Variants in CPA6 observed in about 807,000 individuals in gnomAD.
The protein encoded by CPA6 is carboxypeptidase B.
Under a neutral mutation model 63.3 loss-of-function variants are expected in CPA6, and 58 were observed. The ratio of observed to expected loss-of-function variants is 0.92; its 90% CI spans 0.74 to 1.14. CPA6 has a LOEUF of 1.14. CPA6 is among the 50% of genes most tolerant of loss of function. The pLI is 0.00. For synonymous variants in CPA6, 185 were observed against 179.0 expected, an observed-to-expected ratio of 1.03 and a Z score of -0.27; for missense variants, 565 against 526.6, an observed-to-expected ratio of 1.07 and a Z score of -0.71.
intron 8 of CPA6, among the ~76,000 whole-genome samples, chr8:67,435,048 GC>G (rs1810117754): frequency 6.6e-6 from 1 of 152,318 alleles, no homozygotes; most frequent in Admixed American, 6.5e-5. Context: ...CCTCCATCTG[GC>G]CCCCTTCCCT....
At chr8:67,556,076 C>T (rs924800490) in intron 2 of CPA6, among the ~76,000 whole-genome samples, 2 of 152,126 alleles carry the variant, frequency 1.3e-5, no homozygotes, top group Non-Finnish European at 2.9e-5. Flanking sequence ...CCATGCAGAA[C>T]AGAGATGTGG....
At chr8:67,598,446 T>C (rs1033516672) in intron 2 of CPA6, among the ~76,000 whole-genome samples, 4 of 152,188 alleles carry the variant, frequency 2.6e-5, no homozygotes, top group African/African-American at 9.7e-5. Flanking sequence ...ATATTAAAGT[T>C]TATATATTGT....
chr8:67,632,658 T>C (rs186847666), intron 1 of CPA6, among the ~76,000 whole-genome samples: 1 of 152,320 alleles, frequency 6.6e-6, no homozygotes, highest in East Asian at 1.9e-4. Flanking sequence ...GATCTAATAG[T>C]TGACAATTGA....
chr8:67,422,626 C>A lies in CPA6; in HGVS notation c.1192G>T (p.Glu398Ter), dbSNP rs775233588. The A allele has an allele frequency of 6.2e-7, 1 of 1,613,768 alleles. No individual in the cohort carries two copies. The highest frequency in any genetic ancestry group is 1.1e-5 in the South Asian group (1 of 91,074). Reference sequence around the variant, plus strand: ...CCAAAATATCCAGTGTCACGTAGTTCGAAAGCAAATGCATAAGGTATTCCA... The same window carrying A: ...CCAAAATATCCAGTGTCACGTAGTTAGAAAGCAAATGCATAAGGTATTCCA... The part of the protein sequence containing the change: ...KNGIPYAFAF[E>*]LRDTGYFGFL... Residue 398 changes from glutamate (E) to a stop codon, truncating the protein, a stop_gained, in exon 11 of 11, where the codon GAA (glutamate) becomes TAA (stop). Transcript: ENST00000297770. LOFTEE classifies it high-confidence loss of function.
At chr8:67,666,648 C>A (rs535394479) in intron 1 of CPA6, among the ~76,000 whole-genome samples, 20 of 152,202 alleles carry the variant, frequency 1.3e-4, no homozygotes, top group African/African-American at 4.8e-4. Context: ...AGGTGCCTGG[C>A]GATCAGGGTC....
At chr8:67,651,324 A>C (rs1302590268) in intron 1 of CPA6, among the ~76,000 whole-genome samples, 1 of 152,178 alleles carries the variant, frequency 6.6e-6, no homozygotes, top group Non-Finnish European at 1.5e-5. Flanking sequence ...GAATAGTGAG[A>C]GATTTTTGAG....
intron 2 of CPA6, among the ~76,000 whole-genome samples, chr8:67,519,731 T>A (rs1009815510): frequency 6.6e-6 from 1 of 152,204 alleles, no homozygotes; most frequent in Non-Finnish European, 1.5e-5. Context: ...ATTCAATCCA[T>A]CTGTCAGCCC....
chr8:67,465,260 G>A (rs902886202), intron 8 of CPA6, among the ~76,000 whole-genome samples: 5 of 151,762 alleles, frequency 3.3e-5, no homozygotes, highest in African/African-American at 4.8e-5. Context: ...ATTTTATTTT[G>A]TCTATTGTAA....
chr8:67,620,011 C>T lies in CPA6; in HGVS notation c.192+4165G>A, dbSNP rs541683297. ...AACCTAGTGGTCCTATAACAGTGTC[C>T]GCTGGGCTGCCTCCTCCAGGCTTAT... On this transcript the variant is annotated intron_variant, in intron 2 of 10. Transcript: ENST00000297770. Among the ~76,000 whole-genome samples, 186 of 152,290 alleles carry T rather than the reference C, an allele frequency of 1.2e-3. 1 individual carries two copies. The highest frequency in any genetic ancestry group is 4.2e-3 in the African/African-American group (174 of 41,570).
At chr8:67,644,802 A>G (rs1815679471) in intron 1 of CPA6, among the ~76,000 whole-genome samples, 1 of 152,178 alleles carries the variant, frequency 6.6e-6, no homozygotes, top group Non-Finnish European at 1.5e-5. Context: ...CCCAGCTGTC[A>G]TTAAGCTGTG....
At chr8:67,667,727 T>G (rs1235766955) in intron 1 of CPA6, among the ~76,000 whole-genome samples, 1 of 152,174 alleles carries the variant, frequency 6.6e-6, no homozygotes, top group Non-Finnish European at 1.5e-5. Context: ...CAGTTTAATC[T>G]CAACTGAATA....
At chr8:67,607,907 A>G (rs928943426) in intron 2 of CPA6, among the ~76,000 whole-genome samples, 1 of 152,236 alleles carries the variant, frequency 6.6e-6, no homozygotes, top group Admixed American at 6.5e-5. Context: ...TGACTGAAAT[A>G]TAAGAGACAT....
intron 2 of CPA6, among the ~76,000 whole-genome samples, chr8:67,537,947 G>A (rs908326388): frequency 2.0e-5 from 3 of 152,050 alleles, no homozygotes; most frequent in Admixed American, 1.3e-4. Context: ...TTATTTACCC[G>A]TAGTCATTCA....
Position 67,430,287 on chromosome 8 carries a change from C to G in CPA6, c.1042-2156G>C, listed in dbSNP as rs376123397. On this transcript the variant is annotated intron_variant, in intron 9 of 10. Coordinates refer to ENST00000297770, the MANE Select transcript of CPA6 (RefSeq NM_020361.5). The stretch of plus-strand genomic sequence containing the variant: ...CTCTGCCTACCAGGTTCAAGTCATT[C>G]TCCTGCCTTAGCCTCCCAAGTAGCT... Among the ~76,000 whole-genome samples the G allele has an allele frequency of 3.5e-3, 522 of 150,978 alleles. 4 individuals carry two copies. Among genetic ancestry groups the G allele is most frequent in the African/African-American group, 0.012 (499 of 41,158 alleles).
At chr8:67,424,434 C>T (rs1042364060) in intron 10 of CPA6, among the ~76,000 whole-genome samples, 1 of 152,174 alleles carries the variant, frequency 6.6e-6, no homozygotes, top group East Asian at 1.9e-4. Context: ...CTCTGACTTT[C>T]CCCCGTTGAG....
intron 1 of CPA6, among the ~76,000 whole-genome samples, chr8:67,723,299 G>T (rs890065148): frequency 7.9e-5 from 12 of 151,910 alleles, no homozygotes; most frequent in African/African-American, 2.7e-4. Context: ...AGGGTGTGAG[G>T]ATCTTAACTC....
In CPA6 at chr8:67,517,944, T is replaced by A; in HGVS notation, c.296A>T (p.Gln99Leu). 1 of 1,611,854 alleles carries A rather than the reference T, an allele frequency of 6.2e-7. No individual in the cohort carries two copies. The highest frequency in any genetic ancestry group is 8.5e-7 in the Non-Finnish European group (1 of 1,179,326). ...TTACTTGTACTGGATGTTGGCTTCCTGTAAGAAGGCTAACAGGGCTCGGGA... is the reference window on the plus strand; with the variant it reads ...TTACTTGTACTGGATGTTGGCTTCCAGTAAGAAGGCTAACAGGGCTCGGGA... ...NGSRALLAFLQEANIQYKVLI... is the reference protein window; with the variant it reads ...NGSRALLAFLLEANIQYKVLI... The change falls in exon 3 of 11, where the codon CAG becomes CTG. Residue 99 changes from glutamine to leucine, a missense_variant. Transcript: ENST00000297770.
chr8:67,424,883 C>T (rs1443528422), intron 10 of CPA6, among the ~76,000 whole-genome samples: 2 of 152,204 alleles, frequency 1.3e-5, no homozygotes, highest in Non-Finnish European at 2.9e-5. Flanking sequence ...CTACTCTCTC[C>T]TTCTGGCTCC....
intron 1 of CPA6, among the ~76,000 whole-genome samples, chr8:67,742,849 C>A (rs1279851558): frequency 1.3e-5 from 2 of 152,118 alleles, no homozygotes; most frequent in African/African-American, 4.8e-5. Flanking sequence ...AAGTAGTTTT[C>A]AAAAATCATG....
Sources: allele counts gnomAD v4.1 joint callset (sites outside exome capture counted in the v4.1 genomes callset), GRCh38; gene constraint gnomAD v4.1.1; transcripts MANE v1.5; gene names NCBI Gene and HGNC (gene_info 2026-07-23, HGNC 2026-07-21).